The following P2RY2 variants were observed in gnomAD, a reference collection of about 807,000 sequenced individuals.
P2RY2 encodes the protein P2Y purinoceptor 2.
For missense variants in P2RY2, 567 were observed against 515.7 expected (o/e 1.10, Z -0.96); for synonymous variants, 241 against 231.9 (o/e 1.04, Z -0.35).
Position 73,235,175 on chromosome 11 carries a change from G to T in P2RY2, c.1016G>T (p.Arg339Leu), listed in dbSNP as rs200033279. 3 of 1,610,184 alleles carry T rather than the reference G, an allele frequency of 1.9e-6. No individual in the cohort carries two copies. In the African/African-American group the frequency reaches 4.0e-5, roughly 21 times the overall value. ...ATPARRRLGL[R>L]RSDRTDMQRI... is the part of the protein sequence containing the mutation. ...CCGGCTCGCCGCAGGCTGGGCCTGC[G>T]CAGATCCGACAGAACTGACATGCAG... The change falls in exon 3 of 3, where the codon CGC becomes CTC. Residue 339 changes from arginine (R) to leucine (L), a missense_variant. Arg to Leu is a moderately radical substitution (Grantham distance 102). Coordinates refer to ENST00000393597, the MANE Select transcript of P2RY2 (RefSeq NM_002564.4).
chr11:73,222,683 TC>T (rs1862155012), intron 1 of P2RY2, among the ~76,000 whole-genome samples: 1 of 152,058 alleles, frequency 6.6e-6, no homozygotes, highest in South Asian at 2.1e-4. Context: ...TTCAGAGCCC[TC>T]CTCCCTCTTT....
At position 73,229,911 on chromosome 11, in the gene P2RY2, C is replaced by T. The variant is rs149694800; in HGVS notation, c.-5+1736C>T. On this transcript the variant is annotated intron_variant, in intron 2 of 2. Coordinates refer to ENST00000393597, the MANE Select transcript of P2RY2 (RefSeq NM_002564.4). ...AAGCCCCCTCCCTGTCCAAGTGGGG[C>T]AGAGGACCTCCCGGGGATATTTTGG... Among the ~76,000 whole-genome samples the T allele has an allele frequency of 1.1e-4, 16 of 152,098 alleles. No individual in the cohort carries two copies. In the East Asian group the frequency reaches 3.1e-3, roughly 29 times the overall value.
At chr11:73,233,887 G>A (rs563757161) in intron 2 of P2RY2, 9 of 505,140 alleles carry the variant, frequency 1.8e-5, no homozygotes, top group Admixed American at 7.2e-5. Flanking sequence ...GATGGGCACC[G>A]TTGTGTTCCA....
At chr11:73,221,824 T>C (rs1387602060) in intron 1 of P2RY2, among the ~76,000 whole-genome samples, 3 of 152,194 alleles carry the variant, frequency 2.0e-5, no homozygotes, top group African/African-American at 7.2e-5. Context: ...CCATACCTGC[T>C]TTCTCTCTCT....
In P2RY2 at chr11:73,241,543, C is replaced by T. The variant is rs1475573196; in HGVS notation, c.*6250C>T. ...TCAGTGACGTGTGATTTTCCTTTCC[C>T]ATCCATAAACTGCGCATTTGGCAAA... On this transcript the variant is annotated 3_prime_UTR_variant, in exon 3 of 3. Coordinates refer to ENST00000393597, the MANE Select transcript of P2RY2 (RefSeq NM_002564.4). 2 of 152,260 alleles carry T rather than the reference C, an allele frequency of 1.3e-5. No homozygotes were observed. The highest frequency in any genetic ancestry group is 2.4e-5 in the African/African-American group (1 of 41,456). The allele number at this position is 152,260 out of a possible 1,614,324, so 9.4% of individuals were successfully genotyped here. A position where few individuals can be genotyped will look rare whatever the true frequency, so the allele number is the denominator to read the frequency against.
chr11:73,224,202 C>T (rs1862209837), intron 1 of P2RY2, among the ~76,000 whole-genome samples: 1 of 152,232 alleles, frequency 6.6e-6, no homozygotes, highest in Non-Finnish European at 1.5e-5. Context: ...TGCTGGCTTT[C>T]AGCCCCTTGA....
At position 73,238,811 on chromosome 11, in the gene P2RY2, C is replaced by T. The variant is rs1042821260; in HGVS notation, c.*3518C>T. Among the ~76,000 whole-genome samples the T allele has an allele frequency of 6.6e-6, 1 of 152,226 alleles. No homozygotes were observed. Among genetic ancestry groups the T allele is most frequent in the African/African-American group, 2.4e-5 (1 of 41,454 alleles). ...ATGCCCTTTATAGTGCCCCACGACACTCACAGCCCTGCAGGGCAGAAGGGT... is the reference window on the plus strand; with the variant it reads ...ATGCCCTTTATAGTGCCCCACGACATTCACAGCCCTGCAGGGCAGAAGGGT... On this transcript the variant is annotated 3_prime_UTR_variant, in exon 3 of 3. Coordinates refer to ENST00000393597, the MANE Select transcript of P2RY2 (RefSeq NM_002564.4).
intron 1 of P2RY2, among the ~76,000 whole-genome samples, chr11:73,219,162 T>G (rs1862050583): frequency 6.6e-6 from 1 of 152,208 alleles, no homozygotes; most frequent in Admixed American, 6.5e-5. Context: ...GGTCCATGGC[T>G]GCTGTTCCTC....
chr11:73,221,819 C>T (rs920392776), intron 1 of P2RY2, among the ~76,000 whole-genome samples: 9 of 152,196 alleles, frequency 5.9e-5, no homozygotes, highest in African/African-American at 2.2e-4. Flanking sequence ...CTAGGCCATA[C>T]CTGCTTTCTC....
In P2RY2 at chr11:73,241,594, G is replaced by C. The variant is rs1038467358; in HGVS notation, c.*6301G>C. 6.6e-6 allele frequency: 1 copy of C among 152,182 alleles called. No homozygotes were observed. The highest frequency in any genetic ancestry group is 2.4e-5 in the African/African-American group (1 of 41,422). 9.4% of individuals were successfully genotyped at this position (152,182 alleles called of 1,614,324 possible). A position where few individuals can be genotyped will look rare whatever the true frequency, so the allele number is the denominator to read the frequency against. On this transcript the variant is annotated 3_prime_UTR_variant, in exon 3 of 3. Transcript: ENST00000393597. Reference sequence around the variant, plus strand: ...CTCCAAACTTTTGAGTCACTTTTGGGTAACAAAGTCAGGTTTAAGATTTCC... The same window carrying C: ...CTCCAAACTTTTGAGTCACTTTTGGCTAACAAAGTCAGGTTTAAGATTTCC...
chr11:73,235,767 A>T lies in P2RY2; in HGVS notation c.*474A>T. Reference sequence around the variant, plus strand: ...TAAGTAATGAGGGCTGAGTTTGCACAGTGGTCTGGAATGGACTGGGTGCCA... The same window carrying T: ...TAAGTAATGAGGGCTGAGTTTGCACTGTGGTCTGGAATGGACTGGGTGCCA... On this transcript the variant is annotated 3_prime_UTR_variant, in exon 3 of 3. Transcript: ENST00000393597. 2.0e-6 allele frequency: 2 copies of T among 1,003,196 alleles called. No homozygotes were observed. The highest frequency in any genetic ancestry group is 4.7e-5 in the South Asian group (1 of 21,420). 62.1% of individuals were successfully genotyped at this position (1,003,196 alleles called of 1,614,324 possible).
rs962912266 is a variant in P2RY2, at chr11:73,231,497, C to T, written c.-4-2659C>T. Among the ~76,000 whole-genome samples, 11 of 149,510 alleles carry T rather than the reference C, an allele frequency of 7.4e-5. No homozygotes were observed. In the East Asian group the frequency reaches 7.8e-4, roughly 11 times the overall value. On this transcript the variant is annotated intron_variant, in intron 2 of 2. Transcript: ENST00000393597. The stretch of plus-strand genomic sequence containing the variant: ...GCTTGAACCCAGGAGACAGAGGTTG[C>T]AGGAAGCTGAGATCACGCCACTGCA...
rs774047775 is a variant in P2RY2, at chr11:73,235,102, C to T, written c.943C>T (p.Arg315Cys). 4.8e-5 allele frequency: 77 copies of T among 1,606,182 alleles called. No homozygotes were observed. In the East Asian group the frequency reaches 1.2e-3, roughly 26 times the overall value. Reference protein sequence around the residue: ...LYFLAGQRLVRFARDAKPPTG... With the variant: ...LYFLAGQRLVCFARDAKPPTG... ...CTTCCTGGCTGGGCAGAGGCTCGTA[C>T]GCTTTGCCCGAGATGCCAAGCCACC... Residue 315 changes from arginine (R) to cysteine (C), a missense_variant, in exon 3 of 3, where the codon CGC becomes TGC. Physicochemically the swap from Arg to Cys is radical, Grantham distance 180. Coordinates refer to ENST00000393597, the MANE Select transcript of P2RY2 (RefSeq NM_002564.4).
rs1862662275 is a variant in P2RY2, at chr11:73,236,712, A to G, written c.*1419A>G. On this transcript the variant is annotated 3_prime_UTR_variant, in exon 3 of 3. Coordinates refer to ENST00000393597, the MANE Select transcript of P2RY2 (RefSeq NM_002564.4). ...TTTGCACTGGGGGTAAATATGAAAG[A>G]GATTCACTCCTCCTCCTGTCCATCG... 3.0e-6 allele frequency: 3 copies of G among 985,358 alleles called. No homozygotes were observed. Among genetic ancestry groups the G allele is most frequent in the South Asian group, 9.4e-5 (2 of 21,284 alleles). 61.0% of individuals were successfully genotyped at this position (985,358 alleles called of 1,614,324 possible). A position where few individuals can be genotyped will look rare whatever the true frequency, so the allele number is the denominator to read the frequency against.
chr11:73,221,723 T>C (rs1862120796), intron 1 of P2RY2, among the ~76,000 whole-genome samples: 1 of 152,156 alleles, frequency 6.6e-6, no homozygotes, highest in South Asian at 2.1e-4. Context: ...TGGCCTTCCC[T>C]TATTACTGGG....
chr11:73,231,836 G>A (rs918282755), intron 2 of P2RY2, among the ~76,000 whole-genome samples: 1 of 152,062 alleles, frequency 6.6e-6, no homozygotes, highest in African/African-American at 2.4e-5. Context: ...GATCACTTGA[G>A]GTCAGGAGTT....
At chr11:73,227,407 C>T (rs1478466303) in intron 1 of P2RY2, among the ~76,000 whole-genome samples, 1 of 151,902 alleles carries the variant, frequency 6.6e-6, no homozygotes, top group Non-Finnish European at 1.5e-5. Context: ...TAGTGTGACT[C>T]TGCATGCCTC....
chr11:73,234,559 G>T lies in P2RY2; in HGVS notation c.400G>T (p.Gly134Cys), dbSNP rs1303396765. ...CTGCATCAGCGTGCACCGGTGTCTG[G>T]GCGTCTTACGACCTCTGCGCTCCCT... ...LTCISVHRCLGVLRPLRSLRW... is the reference protein window; with the variant it reads ...LTCISVHRCLCVLRPLRSLRW... Residue 134 changes from glycine to cysteine, a missense_variant, in exon 3 of 3, where the codon GGC becomes TGC. Gly to Cys is a radical substitution (Grantham distance 159). Transcript: ENST00000393597. The T allele has an allele frequency of 5.7e-6, 9 of 1,592,048 alleles. No individual in the cohort carries two copies. The highest frequency in any genetic ancestry group is 1.3e-5 in the African/African-American group (1 of 74,500).
intron 1 of P2RY2, among the ~76,000 whole-genome samples, chr11:73,227,624 G>A (rs559992236): frequency 8.5e-5 from 13 of 152,286 alleles, no homozygotes; most frequent in Middle Eastern, 6.8e-3. Flanking sequence ...TGGGCAAAGA[G>A]GGTATTGACT....
Sources: gnomAD v4.1 joint callset for allele counts (sites outside exome capture counted in the v4.1 genomes callset) on GRCh38, gnomAD v4.1.1 for gene constraint, MANE v1.5 for transcripts, NCBI Gene and HGNC (gene_info 2026-07-23, HGNC 2026-07-21) for gene names.